Variants in SIN3A observed in about 807,000 individuals in gnomAD.
The protein encoded by SIN3A is paired amphipathic helix protein Sin3a.
Under a neutral mutation model 146.1 loss-of-function variants are expected in SIN3A, and 14 were observed. The observed-to-expected ratio is 0.10, with a 90% CI of 0.06 to 0.15. The LOEUF (loss-of-function observed/expected upper bound fraction) is 0.15. SIN3A is among the 10% of genes least tolerant of loss of function. The pLI, the probability that SIN3A is intolerant of heterozygous loss-of-function variation, is 1.00. For synonymous variants in SIN3A, 572 were observed against 572.0 expected, an observed-to-expected ratio of 1.00 and a Z score of 0.00; for missense variants, 1,028 against 1,576.0, an observed-to-expected ratio of 0.65 and a Z score of 5.89.
upstream of SIN3A, chr15:75,453,535 C>T (rs1248500414): frequency 6.6e-6 from 1 of 152,460 alleles, no homozygotes; most frequent in Non-Finnish European, 1.5e-5. Flanking sequence ...CATTAGGCCG[C>T]CCACGACTTC....
chr15:75,397,370 T>G (rs545770822), intron 12 of SIN3A, among the ~76,000 whole-genome samples: 1 of 152,322 alleles, frequency 6.6e-6, no homozygotes, highest in South Asian at 2.1e-4. Flanking sequence ...TAGGGCCATG[T>G]AACTAGTTTT....
At chr15:75,448,759 G>C (rs954681602) in intron 1 of SIN3A, among the ~76,000 whole-genome samples, 1 of 152,082 alleles carries the variant, frequency 6.6e-6, no homozygotes, top group Non-Finnish European at 1.5e-5. Flanking sequence ...AAAATTCCCA[G>C]GTACTAACAT....
intron 4 of SIN3A, among the ~76,000 whole-genome samples, chr15:75,413,970 T>C (rs1283122600): frequency 3.3e-5 from 5 of 152,162 alleles, no homozygotes; most frequent in African/African-American, 7.2e-5. Context: ...GCTACTTCCC[T>C]GATTGAGACA....
intron 1 of SIN3A, among the ~76,000 whole-genome samples, chr15:75,445,977 T>A (rs2074300124): frequency 6.6e-6 from 1 of 152,196 alleles, no homozygotes; most frequent in African/African-American, 2.4e-5. Context: ...GTCTTGTCTG[T>A]GGTGGAAACC....
At chr15:75,380,099 T>C (rs1011487855) in intron 19 of SIN3A, among the ~76,000 whole-genome samples, 9 of 152,350 alleles carry the variant, frequency 5.9e-5, no homozygotes, top group Non-Finnish European at 1.5e-5. Context: ...AGTGCCTAGA[T>C]GACTACATCT....
chr15:75,373,773 GA>G lies in SIN3A; in HGVS notation c.3592-1565del, dbSNP rs539064787. ...TTTCATTAAAAAAAAAAAAAAGAAA[GA>G]AAAAAAGAATGCAGTATATATAATA... On this transcript the variant is annotated intron_variant, in intron 20 of 20. Coordinates refer to ENST00000394947, the MANE Select transcript of SIN3A (RefSeq NM_001145358.2). Among the ~76,000 whole-genome samples the G allele has an allele frequency of 6.0e-5, 9 of 148,880 alleles. No individual in the cohort carries two copies. The East Asian group carries it at 1.6e-3, about 26-fold the overall frequency.
intron 1 of SIN3A, among the ~76,000 whole-genome samples, chr15:75,433,107 A>G (rs1259339441): frequency 6.6e-6 from 1 of 152,180 alleles, no homozygotes; most frequent in African/African-American, 2.4e-5. Context: ...GCACGGCACG[A>G]CTATAGAAAA....
rs1208207148 is a variant in SIN3A, at chr15:75,370,446, T to C, written c.*1533A>G. 1 of 152,198 alleles carries C rather than the reference T, an allele frequency of 6.6e-6. No individual in the cohort carries two copies. The highest frequency in any genetic ancestry group is 1.5e-5 in the Non-Finnish European group (1 of 68,026). The allele number at this position is 152,198 out of a possible 1,614,324, so 9.4% of individuals were successfully genotyped here. A position where few individuals can be genotyped will look rare whatever the true frequency, so the allele number is the denominator to read the frequency against. On this transcript the variant is annotated 3_prime_UTR_variant, in exon 21 of 21. Transcript: ENST00000394947. ...AGAGTACTGGGAGGGGCTCAGTTGG[T>C]CTTTGTTCAGAAAGTCCAGGTTAAC... is the stretch of plus-strand genomic sequence containing the variant.
chr15:75,392,187 C>T (rs2073217325), intron 15 of SIN3A, 55 bp downstream of exon 15: 1 of 1,514,058 alleles, frequency 6.6e-7, no homozygotes, highest in African/African-American at 1.4e-5. Context: ...GTCTAGGTGG[C>T]TCTAAGGTCC....
chr15:75,440,375 G>A lies in SIN3A; in HGVS notation c.-33-9967C>T, dbSNP rs2074186294. 2.0e-5 allele frequency among the ~76,000 whole-genome samples: 3 copies of A among 151,650 alleles called. No homozygotes were observed. The South Asian group carries it at 6.2e-4, about 32-fold the overall frequency. ...CCTCCCAAAGCAGCTGGAATTACAG[G>A]TGTGTGCCACTACACCTGGCTAATT... On this transcript the variant is annotated intron_variant, in intron 1 of 20. Coordinates refer to ENST00000394947, the MANE Select transcript of SIN3A (RefSeq NM_001145358.2).
At chr15:75,427,365 A>G (rs760977832) in intron 2 of SIN3A, among the ~76,000 whole-genome samples, 1 of 147,384 alleles carries the variant, frequency 6.8e-6, no homozygotes, top group African/African-American at 2.5e-5. Context: ...AGAGCGAGAC[A>G]CCATCTCAAA....
At chr15:75,417,505 TAGCTGGGATTCC>T (rs2073762578) in intron 3 of SIN3A, among the ~76,000 whole-genome samples, 1 of 151,682 alleles carries the variant, frequency 6.6e-6, no homozygotes, top group African/African-American at 2.4e-5. Context: ...GCCTCCTGAG[TAGCTGGGATTCC>T]AGGCGCATGT....
In SIN3A at chr15:75,392,519, C is replaced by A. The variant is rs1181278218; in HGVS notation, c.2574G>T (p.Gly858=). ...GTAACTTGGACTTAGGGGGACTGCC[C>A]CCAACACCATTGTGCTTCTTAACTG... ...TGAVKKHNGV[G]GSPPKSKLLF... The change falls in exon 15 of 21, where the codon GGG becomes GGT. Residue 858 remains glycine (G), a synonymous_variant. Coordinates refer to ENST00000394947, the MANE Select transcript of SIN3A (RefSeq NM_001145358.2). 6.2e-7 allele frequency: 1 copy of A among 1,614,014 alleles called. No individual in the cohort carries two copies. Among genetic ancestry groups the A allele is most frequent in the Non-Finnish European group, 8.5e-7 (1 of 1,180,040 alleles).
intron 1 of SIN3A, among the ~76,000 whole-genome samples, chr15:75,435,862 T>C (rs778919222): frequency 6.6e-6 from 1 of 152,076 alleles, no homozygotes; most frequent in Non-Finnish European, 1.5e-5. Context: ...CAGTGATTCA[T>C]GCCTGTAATC....
At chr15:75,424,082 GACC>G (rs1259552715) in intron 2 of SIN3A, among the ~76,000 whole-genome samples, 5 of 152,084 alleles carry the variant, frequency 3.3e-5, no homozygotes, top group Non-Finnish European at 5.9e-5. Context: ...ATCCATCAGG[GACC>G]ACAACTTTTA....
rs373002765 is a variant in SIN3A, at chr15:75,415,759, G to A, written c.367-1448C>T. On this transcript the variant is annotated intron_variant, in intron 3 of 20. Transcript: ENST00000394947. ...CCAGCTACTCGGGAGGCTGAGGCAG[G>A]GGAATCACTTGAACCCAGGAGGCGG... The A allele has an allele frequency of 2.3e-3, 373 of 162,942 alleles. 1 individual carries two copies. The highest frequency in any genetic ancestry group is 8.5e-3 in the African/African-American group (351 of 41,538). 10.1% of individuals were successfully genotyped at this position (162,942 alleles called of 1,614,324 possible).
intron 9 of SIN3A, among the ~76,000 whole-genome samples, chr15:75,404,589 G>A (rs2073472444): frequency 6.6e-6 from 1 of 151,750 alleles, no homozygotes; most frequent in African/African-American, 2.4e-5. Context: ...GTGAAACCCT[G>A]TCTCTACTAA....
chr15:75,434,388 G>A (rs1356916165), intron 1 of SIN3A, among the ~76,000 whole-genome samples: 1 of 152,164 alleles, frequency 6.6e-6, no homozygotes, highest in Non-Finnish European at 1.5e-5. Flanking sequence ...GGTGGCTCAT[G>A]CCTGTAATCC....
intron 1 of SIN3A, among the ~76,000 whole-genome samples, chr15:75,448,359 G>A (rs1419506445): frequency 6.6e-6 from 1 of 151,916 alleles, no homozygotes; most frequent in Non-Finnish European, 1.5e-5. Context: ...TTAGCCAGGC[G>A]TGTGGTGGCG....
Sources: gnomAD v4.1 joint callset for allele counts (sites outside exome capture counted in the v4.1 genomes callset) on GRCh38, gnomAD v4.1.1 for gene constraint, MANE v1.5 for transcripts, NCBI Gene and HGNC (gene_info 2026-07-23, HGNC 2026-07-21) for gene names.